PURG: variants seen among roughly 807,000 people sequenced by gnomAD.
PURG encodes the protein purine rich element binding protein G.
A neutral mutation model predicts 24.3 loss-of-function variants in PURG; 3 were observed. The observed-to-expected ratio is 0.12, with a 90% CI of 0.06 to 0.32. The LOEUF (loss-of-function observed/expected upper bound fraction) is 0.32, where lower values mean the gene tolerates loss of function less well. PURG is among the 10% of genes least tolerant of loss of function. The pLI is 1.00. For synonymous variants in PURG, 180 were observed against 173.1 expected (o/e 1.04, Z -0.31); for missense variants, 371 against 439.1 (o/e 0.84, Z 1.39).
intron 1 of PURG, among the ~76,000 whole-genome samples, chr8:31,012,287 T>C (rs16877639): frequency 6.6e-6 from 1 of 152,222 alleles, no homozygotes; most frequent in South Asian, 2.1e-4. Context: ...ACTGGAAGAA[T>C]TGCCTCTTTA....
In PURG at chr8:31,019,400, C is replaced by T. The variant is rs561984563; in HGVS notation, c.864+12519G>A. On this transcript the variant is annotated intron_variant, in intron 1 of 1. Transcript: ENST00000339382. ...CCAGGCTGGAGTCTAGTGGCTCAAT[C>T]TTGGCTCACTGCAATCTCCACTTCC... Among the ~76,000 whole-genome samples the T allele has an allele frequency of 1.5e-4, 17 of 116,344 alleles. No homozygotes were observed. The South Asian group carries it at 2.4e-3, about 17-fold the overall frequency. 76.3% of individuals were successfully genotyped at this position (116,344 alleles called of 152,430 possible).
downstream of PURG, among the ~76,000 whole-genome samples, chr8:31,029,462 TTGTA>T (rs921829715): frequency 3.3e-5 from 5 of 151,816 alleles, no homozygotes; most frequent in Non-Finnish European, 5.9e-5. Context: ...TGACATGGTA[TTGTA>T]TGTATGTATA....
At chr8:31,012,553 G>C (rs1810782177) in intron 1 of PURG, among the ~76,000 whole-genome samples, 1 of 152,218 alleles carries the variant, frequency 6.6e-6, no homozygotes, top group African/African-American at 2.4e-5. Context: ...ACCAAGGGGA[G>C]TGGGAAGAAA....
At position 30,999,955 on chromosome 8, in the gene PURG, G is replaced by GTTTTCCTTTAAAATAA. The variant is rs1375366735; in HGVS notation, c.865-3259_865-3258insTTATTTTAAAGGAAAA. Among the ~76,000 whole-genome samples, 19 of 139,194 alleles carry GTTTTCCTTTAAAATAA rather than the reference G, an allele frequency of 1.4e-4. No homozygotes were observed. In the East Asian group the frequency reaches 4.2e-3, roughly 30 times the overall value. 91.3% of individuals were successfully genotyped at this position (139,194 alleles called of 152,430 possible). A position where few individuals can be genotyped will look rare whatever the true frequency, so the allele number is the denominator to read the frequency against. ...ATACTCTGCCATGCAATGTACATAAGTCGTATGTGTTTTCCTTTAAAATAA... is the reference window on the plus strand; with the variant it reads ...ATACTCTGCCATGCAATGTACATAAGTTTTCCTTTAAAATAATCGTATGTGTTTTCCTTTAAAATAA... On this transcript the variant is annotated intron_variant, in intron 1 of 1. Transcript: ENST00000339382.
At chr8:30,997,910 G>T (rs1344086416) in intron 1 of PURG, among the ~76,000 whole-genome samples, 1 of 151,690 alleles carries the variant, frequency 6.6e-6, no homozygotes, top group Admixed American at 6.6e-5. Context: ...ATTTAAATTT[G>T]ATAGTTCACC....
rs1217386673 is a variant in PURG, at chr8:31,019,079, G to A, written c.864+12840C>T. On this transcript the variant is annotated intron_variant, in intron 1 of 1. Transcript: ENST00000339382. ...GCGGAGCTTGCAGTGAGCCGAGATC[G>A]CGCCACTGCACTCCAGCCTGGGTGA... 5.3e-5 allele frequency among the ~76,000 whole-genome samples: 6 copies of A among 112,466 alleles called. No homozygotes were observed. In the East Asian group the frequency reaches 8.8e-4, roughly 16 times the overall value. The allele number at this position is 112,466 out of a possible 152,430, so 73.8% of individuals were successfully genotyped here.
chr8:31,014,639 A>G (rs776331130), intron 1 of PURG, among the ~76,000 whole-genome samples: 1 of 152,242 alleles, frequency 6.6e-6, no homozygotes, highest in Non-Finnish European at 1.5e-5. Context: ...CTGAATAAGC[A>G]AAGATTATTA....
At chr8:30,998,625 G>C (rs1810475621) in intron 1 of PURG, among the ~76,000 whole-genome samples, 1 of 151,738 alleles carries the variant, frequency 6.6e-6, no homozygotes, top group Non-Finnish European at 1.5e-5. Flanking sequence ...TTATAAACTT[G>C]AATGTCGATT....
At chr8:30,996,772 AC>A in intron 1 of PURG, 1 of 1,098,046 alleles carries the variant, frequency 9.1e-7, no homozygotes, top group Non-Finnish European at 1.3e-6. Flanking sequence ...CACAGTACAA[AC>A]CCATAATTAA....
rs1811276614 is a variant in PURG at position 31,032,923 on chromosome 8, G to A, written c.-6-135C>T. ...GGCCCGGCTCCCCCGGCGCCGCAGC[G>A]CGGGGCTCCAGCCACTGCCGGCCGG... On this transcript the variant is annotated intron_variant, in intron 1 of 1. Transcript: ENST00000523392. The surrounding 1 kb of genome is among the most constrained non-coding windows in gnomAD (Gnocchi z 5.9). 1 of 536,078 alleles carries A rather than the reference G, an allele frequency of 1.9e-6. No homozygotes were observed. The highest frequency in any genetic ancestry group is 2.5e-6 in the Non-Finnish European group (1 of 392,728). The allele number at this position is 536,078 out of a possible 1,614,324, so 33.2% of individuals were successfully genotyped here. A position where few individuals can be genotyped will look rare whatever the true frequency, so the allele number is the denominator to read the frequency against.
intron 1 of PURG, among the ~76,000 whole-genome samples, chr8:31,008,283 A>AT (rs1298470546): frequency 1.3e-5 from 2 of 152,162 alleles, no homozygotes; most frequent in Non-Finnish European, 2.9e-5. Context: ...TAACAGCCTT[A>AT]TGTACCTGAA....
At chr8:31,002,779 C>G (rs1445791129) in intron 1 of PURG, among the ~76,000 whole-genome samples, 1 of 152,184 alleles carries the variant, frequency 6.6e-6, no homozygotes, top group Non-Finnish European at 1.5e-5. Context: ...CCACCGTGCC[C>G]GGCCGAGATC....
At chr8:30,999,005 C>T (rs1810484263) in intron 1 of PURG, among the ~76,000 whole-genome samples, 2 of 151,694 alleles carry the variant, frequency 1.3e-5, no homozygotes, top group Non-Finnish European at 3.0e-5. Flanking sequence ...GTTTCTACTA[C>T]CCATGGGTGC....
At chr8:31,002,478 T>C (rs1048423649) in intron 1 of PURG, among the ~76,000 whole-genome samples, 1 of 152,178 alleles carries the variant, frequency 6.6e-6, no homozygotes, top group Non-Finnish European at 1.5e-5. Context: ...ATGTAAAATA[T>C]TTTACTTTAT....
rs10093900 is a variant in PURG, at chr8:31,010,586, T to C, written c.865-13889A>G. Among the ~76,000 whole-genome samples the C allele has an allele frequency of 5.6e-3, 856 of 152,336 alleles. 5 individuals are homozygous for C. Among genetic ancestry groups the C allele is most frequent in the African/African-American group, 0.02 (825 of 41,564 alleles). ...GCCAAATTTTGATTTCAAGTTTACC[T>C]CTTTAAATTTCTATGTTATTATTAA... is the stretch of plus-strand genomic sequence containing the variant. On this transcript the variant is annotated intron_variant, in intron 1 of 1. Coordinates refer to the PURG transcript ENST00000339382.
rs1811269306 is a variant in PURG at position 31,032,797 on chromosome 8, A to G, written c.-6-9T>C. On this transcript the variant is annotated splice_polypyrimidine_tract_variant and intron_variant, in intron 1 of 1. Coordinates refer to ENST00000523392, the MANE Select transcript of PURG (RefSeq NM_001323311.2). The surrounding 1 kb of genome is among the most constrained non-coding windows in gnomAD (Gnocchi z 5.9). Reference sequence around the variant, plus strand: ...GCTCTTTCCATCTTCAGCTGCAAGTAACAAACAGACACACGGGATGGGGTG... The same window carrying G: ...GCTCTTTCCATCTTCAGCTGCAAGTGACAAACAGACACACGGGATGGGGTG... The G allele has an allele frequency of 7.1e-7, 1 of 1,411,270 alleles. No individual in the cohort carries two copies. Among genetic ancestry groups the G allele is most frequent in the Non-Finnish European group, 9.3e-7 (1 of 1,079,224 alleles). 87.4% of individuals were successfully genotyped at this position (1,411,270 alleles called of 1,614,324 possible). A position where few individuals can be genotyped will look rare whatever the true frequency, so the allele number is the denominator to read the frequency against.
intron 1 of PURG, among the ~76,000 whole-genome samples, chr8:31,010,854 C>T (rs1810748682): frequency 6.6e-6 from 1 of 152,114 alleles, no homozygotes; most frequent in Non-Finnish European, 1.5e-5. Context: ...TAAAATTACA[C>T]ATTCTTTTTA....
exon 2 of PURG, chr8:30,996,585 T>C: frequency 6.3e-7 from 1 of 1,586,028 alleles, no homozygotes; most frequent in Non-Finnish European, 8.6e-7. Context: ...ACATAAGAGA[T>C]TTATTCCTTA....
chr8:31,006,910 GT>G (rs1193712475), intron 1 of PURG, among the ~76,000 whole-genome samples: 1 of 151,938 alleles, frequency 6.6e-6, no homozygotes, highest in Non-Finnish European at 1.5e-5. Flanking sequence ...CACATACTTA[GT>G]TTTTTTTAAA....
Sources: gnomAD v4.1 joint callset for allele counts (sites outside exome capture counted in the v4.1 genomes callset) on GRCh38, gnomAD v4.1.1 for gene constraint, Gnocchi (gnomAD v3.1) non-coding constraint, MANE v1.5 for transcripts, NCBI Gene and HGNC (gene_info 2026-07-23, HGNC 2026-07-21) for gene names.